GALNT7: variants seen among roughly 807,000 people sequenced by gnomAD.
GALNT7 encodes N-acetylgalactosaminyltransferase 7.
In GALNT7, 60 loss-of-function variants were observed where a neutral mutation model predicts 82.1. That is an observed-to-expected ratio of 0.73 (90% CI 0.59 to 0.91). The LOEUF is 0.91. Among genes scored for constraint, GALNT7 ranks in the 40% least tolerant of loss-of-function variants. The probability of loss-of-function intolerance (pLI) is 0.00; values close to 1 mark genes in which losing one functional copy is unlikely to be tolerated. For synonymous variants in GALNT7, 243 were observed against 275.1 expected, an observed-to-expected ratio of 0.88 and a Z score of 1.15; for missense variants, 660 against 804.2, an observed-to-expected ratio of 0.82 and a Z score of 2.17.
At chr4:173,281,081 G>T (rs1383404003) in intron 2 of GALNT7, among the ~76,000 whole-genome samples, 4 of 152,140 alleles carry the variant, frequency 2.6e-5, no homozygotes, top group African/African-American at 9.7e-5. Flanking sequence ...GCTCCAGAGG[G>T]TCTCTTTTCC....
intron 2 of GALNT7, among the ~76,000 whole-genome samples, chr4:173,290,272 C>T (rs1736487115): frequency 6.6e-6 from 1 of 152,056 alleles, no homozygotes; most frequent in Non-Finnish European, 1.5e-5. Context: ...AACAGCCATA[C>T]TATGGAATAT....
intron 2 of GALNT7, among the ~76,000 whole-genome samples, chr4:173,290,484 G>T (rs558485231): frequency 6.6e-6 from 1 of 152,220 alleles, no homozygotes; most frequent in South Asian, 2.1e-4. Context: ...TTTCCTCTAG[G>T]AGATGAGATT....
At position 173,314,073 on chromosome 4, in the gene GALNT7, G is replaced by A. The variant is rs764451249; in HGVS notation, c.1505G>A (p.Arg502Gln). Reference sequence around the variant, plus strand: ...GATATATCGGAGCTGAAAAAATTTCGAGAAGATCACAACTGCAAAAGTTTT... The same window carrying A: ...GATATATCGGAGCTGAAAAAATTTCAAGAAGATCACAACTGCAAAAGTTTT... Reference protein sequence around the residue: ...YGDISELKKFREDHNCKSFKW... With the variant: ...YGDISELKKFQEDHNCKSFKW... The change falls in exon 9 of 12, where the codon CGA (arginine) becomes CAA (glutamine). Residue 502 changes from arginine (R) to glutamine (Q), a missense_variant. Coordinates refer to ENST00000265000, the MANE Select transcript of GALNT7 (RefSeq NM_017423.3). 7.4e-6 allele frequency: 12 copies of A among 1,613,134 alleles called. No homozygotes were observed. The highest frequency in any genetic ancestry group is 2.7e-5 in the African/African-American group (2 of 74,832).
intron 1 of GALNT7, among the ~76,000 whole-genome samples, chr4:173,220,200 A>G (rs1733599840): frequency 6.6e-6 from 1 of 152,166 alleles, no homozygotes; most frequent in South Asian, 2.1e-4. Flanking sequence ...AACCAGCTTC[A>G]TTCTTTTACA....
chr4:173,241,563 T>G (rs781617824), intron 1 of GALNT7, among the ~76,000 whole-genome samples: 8 of 152,266 alleles, frequency 5.3e-5, no homozygotes, highest in Non-Finnish European at 1.2e-4. Flanking sequence ...GAGGCTCTTA[T>G]ATAATGGAAA....
At chr4:173,169,235 G>C (rs936923065) in intron 1 of GALNT7, 1 of 148,926 alleles carries the variant, frequency 6.7e-6, no homozygotes, top group African/African-American at 2.4e-5. Context: ...GCAGCGGCTC[G>C]GGCGGCCGCT....
chr4:173,266,577 T>C (rs1242803531), intron 2 of GALNT7, among the ~76,000 whole-genome samples: 1 of 152,214 alleles, frequency 6.6e-6, no homozygotes, highest in Non-Finnish European at 1.5e-5. Context: ...AAGTATGTTA[T>C]CAATCCCAAG....
At chr4:173,311,693 G>C (rs1459968514) in intron 8 of GALNT7, among the ~76,000 whole-genome samples, 2 of 152,194 alleles carry the variant, frequency 1.3e-5, no homozygotes, top group East Asian at 3.8e-4. Flanking sequence ...TCCACCCCAT[G>C]AACCAGTCAC....
intron 1 of GALNT7, among the ~76,000 whole-genome samples, chr4:173,197,434 TA>T: frequency 6.6e-6 from 1 of 152,376 alleles, no homozygotes; most frequent in Non-Finnish European, 1.5e-5. Context: ...ATTTACTTGT[TA>T]ATCAATTTAA....
chr4:173,262,294 A>G (rs1480648721), intron 2 of GALNT7, among the ~76,000 whole-genome samples: 1 of 152,216 alleles, frequency 6.6e-6, no homozygotes, highest in Non-Finnish European at 1.5e-5. Flanking sequence ...CATAAAAAAG[A>G]ACCTTTAGTA....
chr4:173,304,700 C>A (rs988772945), intron 8 of GALNT7, among the ~76,000 whole-genome samples: 1 of 152,026 alleles, frequency 6.6e-6, no homozygotes, highest in African/African-American at 2.4e-5. Context: ...CCACTCCCCC[C>A]AATCCTCACC....
Position 173,223,909 on chromosome 4 carries a change from C to T in GALNT7, c.127-24071C>T, listed in dbSNP as rs1733717761. ...AAATACTTCTTCATTGATGTGTGTA[C>T]TTCATATTGCATTACATCAGGTGGC... On this transcript the variant is annotated intron_variant, in intron 1 of 11. Coordinates refer to ENST00000265000, the MANE Select transcript of GALNT7 (RefSeq NM_017423.3). 7.2e-5 allele frequency among the ~76,000 whole-genome samples: 11 copies of T among 152,152 alleles called. No individual in the cohort carries two copies. The South Asian group carries it at 2.3e-3, about 32-fold the overall frequency.
chr4:173,257,686 C>G (rs1042646001), intron 2 of GALNT7, among the ~76,000 whole-genome samples: 1 of 152,184 alleles, frequency 6.6e-6, no homozygotes, highest in African/African-American at 2.4e-5. Context: ...AGGTAAATCA[C>G]ATTTTTAATA....
intron 2 of GALNT7, among the ~76,000 whole-genome samples, chr4:173,280,259 G>A (rs562616426): frequency 3.3e-5 from 5 of 152,162 alleles, no homozygotes; most frequent in South Asian, 4.1e-4. Context: ...GCAGGGACTC[G>A]CAGCCTCAAA....
chr4:173,279,695 G>A (rs568282323), intron 2 of GALNT7, among the ~76,000 whole-genome samples: 45 of 152,238 alleles, frequency 3.0e-4, no homozygotes, highest in African/African-American at 9.6e-4. Context: ...AATGGAGGCC[G>A]GGCATGGTGG....
At chr4:173,179,474 CAA>C (rs1732178327) in intron 1 of GALNT7, among the ~76,000 whole-genome samples, 1 of 152,184 alleles carries the variant, frequency 6.6e-6, no homozygotes, top group Admixed American at 6.5e-5. Context: ...GCTTATAAAA[CAA>C]ACAAACCAAA....
chr4:173,178,173 T>C (rs1444445591), intron 1 of GALNT7, among the ~76,000 whole-genome samples: 1 of 152,152 alleles, frequency 6.6e-6, no homozygotes, highest in Non-Finnish European at 1.5e-5. Flanking sequence ...GTCTGAAATC[T>C]GGTGATTTGA....
chr4:173,314,815 G>A (rs1055992191), intron 9 of GALNT7, among the ~76,000 whole-genome samples: 7 of 152,244 alleles, frequency 4.6e-5, no homozygotes, highest in Non-Finnish European at 5.9e-5. Context: ...CTGCAGCCCC[G>A]CTGTATGCCT....
At chr4:173,210,157 A>C (rs897394532) in intron 1 of GALNT7, among the ~76,000 whole-genome samples, 1 of 152,154 alleles carries the variant, frequency 6.6e-6, no homozygotes, top group Non-Finnish European at 1.5e-5. Flanking sequence ...AAAAAAAAGA[A>C]ATACTTATTT....
Sources: allele counts gnomAD v4.1 joint callset (sites outside exome capture counted in the v4.1 genomes callset), GRCh38; gene constraint gnomAD v4.1.1; transcripts MANE v1.5; gene names NCBI Gene and HGNC (gene_info 2026-07-23, HGNC 2026-07-21).